TRPM3: variants seen among roughly 807,000 people sequenced by gnomAD.
TRPM3 encodes the protein long transient receptor potential channel 3.
Under a neutral mutation model 181.2 loss-of-function variants are expected in TRPM3, and 77 were observed. That is an observed-to-expected ratio of 0.42 (90% confidence interval 0.35 to 0.51). The LOEUF is 0.51. Ranked by LOEUF, TRPM3 falls within the 20% of genes least tolerant of loss-of-function variation. The probability of loss-of-function intolerance (pLI) is 0.01; values close to 1 mark genes in which losing one functional copy is unlikely to be tolerated. For synonymous variants in TRPM3, 745 were observed against 796.4 expected, an observed-to-expected ratio of 0.94 and a Z score of 1.09; for missense variants, 1,759 against 2,196.7, an observed-to-expected ratio of 0.80 and a Z score of 3.98.
rs78023643 is a variant in TRPM3, at chr9:71,344,925, G to T, written c.183+101728C>A. ...TAAAAAGTGGCAAAAGATAAAAAGT[G>T]GGCCAAGGATATGAACAGACATTGC... is the stretch of plus-strand genomic sequence containing the variant. On this transcript the variant is annotated intron_variant, in intron 1 of 24. Coordinates refer to the TRPM3 transcript ENST00000357533. Among the ~76,000 whole-genome samples, 341 of 152,234 alleles carry T rather than the reference G, an allele frequency of 2.2e-3. 4 individuals carry two copies. The highest frequency in any genetic ancestry group is 7.9e-3 in the African/African-American group (327 of 41,548).
At chr9:71,021,449 A>T (rs577463489) in intron 1 of TRPM3, among the ~76,000 whole-genome samples, 1 of 152,316 alleles carries the variant, frequency 6.6e-6, no homozygotes, top group African/African-American at 2.4e-5. Flanking sequence ...TGAGCAATTC[A>T]TGGGGATAAT....
intron 1 of TRPM3, among the ~76,000 whole-genome samples, chr9:70,975,574 G>A (rs1418117962): frequency 2.0e-5 from 3 of 152,164 alleles, no homozygotes; most frequent in Non-Finnish European, 2.9e-5. Flanking sequence ...TAAAATCCAT[G>A]CAAGCCCTTA....
chr9:71,359,722 C>A (rs2092062936), intron 1 of TRPM3, among the ~76,000 whole-genome samples: 1 of 152,054 alleles, frequency 6.6e-6, no homozygotes, highest in Non-Finnish European at 1.5e-5. Context: ...CAGAAAATTT[C>A]ATTATTTTCA....
chr9:71,228,839 T>C (rs757935888), intron 1 of TRPM3, among the ~76,000 whole-genome samples: 4 of 152,160 alleles, frequency 2.6e-5, no homozygotes, highest in Admixed American at 6.5e-5. Context: ...TTTGGAAAGA[T>C]ATTCCATGTT....
chr9:71,125,126 T>C (rs117037237), upstream of TRPM3, among the ~76,000 whole-genome samples: 5,956 of 152,304 alleles, frequency 0.039, 238 homozygotes, highest in Admixed American at 0.12. Flanking sequence ...TTTTGTAGTC[T>C]TAATATTAAC....
At chr9:70,558,876 A>G (rs928833255) in intron 22 of TRPM3, among the ~76,000 whole-genome samples, 6 of 152,206 alleles carry the variant, frequency 3.9e-5, no homozygotes, top group African/African-American at 1.4e-4. Context: ...TCACATTGAC[A>G]CATCACATGG....
intron 1 of TRPM3, among the ~76,000 whole-genome samples, chr9:71,340,861 A>G (rs1308339638): frequency 6.6e-6 from 1 of 152,082 alleles, no homozygotes; most frequent in African/African-American, 2.4e-5. Context: ...ATTCTAGAGG[A>G]AGAACAGGAA....
chr9:71,099,743 A>G (rs11142690), intron 1 of TRPM3, among the ~76,000 whole-genome samples: 3,061 of 152,300 alleles, frequency 0.02, 41 homozygotes, highest in Non-Finnish European at 0.03. Flanking sequence ...GCTTTCTTTT[A>G]TTCATTCAAA....
At chr9:70,974,408 G>A (rs1328242699) in intron 1 of TRPM3, among the ~76,000 whole-genome samples, 1 of 128,372 alleles carries the variant, frequency 7.8e-6, no homozygotes, top group Non-Finnish European at 1.7e-5. Context: ...GCGTGGTGGC[G>A]GGCTCCTGTA....
At position 70,952,947 on chromosome 9, in the gene TRPM3, C is replaced by T. The variant is rs78507029; in HGVS notation, c.178-88436G>A. On this transcript the variant is annotated intron_variant, in intron 1 of 25. Transcript: ENST00000677713. ...TTCAAACTATTTTTCTGCAGCTATGCCAAATATTGAGAAAACAATTTCTCT... is the reference window on the plus strand; with the variant it reads ...TTCAAACTATTTTTCTGCAGCTATGTCAAATATTGAGAAAACAATTTCTCT... Among the ~76,000 whole-genome samples, 736 of 152,196 alleles carry T rather than the reference C, an allele frequency of 4.8e-3. 5 individuals are homozygous for T. Among genetic ancestry groups the T allele is most frequent in the African/African-American group, 0.017 (705 of 41,528 alleles).
intron 1 of TRPM3, among the ~76,000 whole-genome samples, chr9:70,881,660 C>A (rs775246131): frequency 6.6e-6 from 1 of 152,128 alleles, no homozygotes; most frequent in Middle Eastern, 3.2e-3. Flanking sequence ...AAATAGCAAA[C>A]GAAGACTTAG....
chr9:71,049,542 A>G (rs1488334599), intron 1 of TRPM3, among the ~76,000 whole-genome samples: 1 of 152,156 alleles, frequency 6.6e-6, no homozygotes, highest in African/African-American at 2.4e-5. Flanking sequence ...CAAGTTCATG[A>G]GAGGAAAGGG....
chr9:70,738,610 G>A (rs576384133), intron 8 of TRPM3, among the ~76,000 whole-genome samples: 2 of 152,080 alleles, frequency 1.3e-5, no homozygotes, highest in African/African-American at 2.4e-5. Flanking sequence ...CCCAAACTCG[G>A]CAGAAGAAAA....
intron 1 of TRPM3, among the ~76,000 whole-genome samples, chr9:71,046,475 G>T (rs939412420): frequency 1.1e-4 from 16 of 152,140 alleles, no homozygotes; most frequent in Non-Finnish European, 1.9e-4. Context: ...AAATTAGCAG[G>T]CCCATAAAGT....
intron 5 of TRPM3, among the ~76,000 whole-genome samples, chr9:70,832,194 A>C (rs1483715655): frequency 6.7e-6 from 1 of 148,732 alleles, no homozygotes; most frequent in Non-Finnish European, 1.5e-5. Context: ...CTAATGCTAG[A>C]TGACGAGTTA....
chr9:70,560,415 A>G (rs1383401929), intron 22 of TRPM3, among the ~76,000 whole-genome samples: 1 of 152,168 alleles, frequency 6.6e-6, no homozygotes, highest in East Asian at 1.9e-4. Context: ...ATTAGTGGCC[A>G]CCTACCGCAG....
chr9:71,037,516 CGT>C (rs1037657520), intron 1 of TRPM3, among the ~76,000 whole-genome samples: 5 of 152,304 alleles, frequency 3.3e-5, no homozygotes, highest in Non-Finnish European at 5.9e-5. Context: ...GACACTTATA[CGT>C]GTGTGTGTGC....
chr9:71,223,040 A>G (rs2080340126), intron 1 of TRPM3, among the ~76,000 whole-genome samples: 1 of 146,070 alleles, frequency 6.8e-6, no homozygotes, highest in Admixed American at 6.8e-5. Context: ...CTTGGGGGCT[A>G]GGGGCTGGGG....
chr9:70,681,991 G>A (rs1214802247), intron 8 of TRPM3, among the ~76,000 whole-genome samples: 2 of 152,104 alleles, frequency 1.3e-5, no homozygotes, highest in Admixed American at 6.6e-5. Flanking sequence ...CTCCCACCAC[G>A]TGAGGACACA....
Sources: allele counts gnomAD v4.1 joint callset (sites outside exome capture counted in the v4.1 genomes callset), GRCh38; gene constraint gnomAD v4.1.1; transcripts MANE v1.5; gene names NCBI Gene and HGNC (gene_info 2026-07-23, HGNC 2026-07-21).